Variants in TIAM1 observed in about 807,000 individuals in gnomAD.
TIAM1 encodes the protein TIAM Rac1 associated GEF 1, also known as rho guanine nucleotide exchange factor TIAM1.
A neutral mutation model predicts 163.5 loss-of-function variants in TIAM1; 65 were observed. The ratio of observed to expected loss-of-function variants is 0.40; its 90% CI spans 0.33 to 0.49. The LOEUF (loss-of-function observed/expected upper bound fraction) is 0.49, where lower values mean the gene tolerates loss of function less well. TIAM1 is among the 20% of genes least tolerant of loss of function. The pLI, the probability that TIAM1 is intolerant of heterozygous loss-of-function variation, is 0.77. For missense variants in TIAM1, 1,789 were observed against 2,044.7 expected, an observed-to-expected ratio of 0.87 and a Z score of 2.41; for synonymous variants, 833 against 810.1, an observed-to-expected ratio of 1.03 and a Z score of -0.48.
At chr21:31,460,876 A>G in intron 2 of TIAM1, among the ~76,000 whole-genome samples, 1 of 152,232 alleles carries the variant, frequency 6.6e-6, no homozygotes. Context: ...ATGCAATTAA[A>G]AAAGAAAAGT....
chr21:31,381,568 T>C (rs1569281754), intron 2 of TIAM1, among the ~76,000 whole-genome samples: 1 of 152,120 alleles, frequency 6.6e-6, no homozygotes, highest in Non-Finnish European at 1.5e-5. Context: ...CTCGAGAGGC[T>C]GAGGAACAGG....
intron 10 of TIAM1, among the ~76,000 whole-genome samples, chr21:31,212,061 A>C (rs572502508): frequency 2.0e-5 from 3 of 152,340 alleles, no homozygotes; most frequent in East Asian, 1.9e-4. Context: ...ACATAGGCCC[A>C]AAAACTGAAT....
chr21:31,381,631 G>A (rs1216576655), intron 2 of TIAM1, among the ~76,000 whole-genome samples: 1 of 152,154 alleles, frequency 6.6e-6, no homozygotes, highest in Non-Finnish European at 1.5e-5. Flanking sequence ...TCACGCCACT[G>A]CACTCCAGCC....
intron 2 of TIAM1, among the ~76,000 whole-genome samples, chr21:31,399,918 G>A (rs994607840): frequency 2.0e-5 from 3 of 152,046 alleles, no homozygotes; most frequent in African/African-American, 7.3e-5. Context: ...TTCAGAGAAT[G>A]TTGACACTTT....
chr21:31,456,636 T>C (rs1344524472), intron 2 of TIAM1, among the ~76,000 whole-genome samples: 1 of 152,258 alleles, frequency 6.6e-6, no homozygotes, highest in African/African-American at 2.4e-5. Flanking sequence ...TTGGAAATGT[T>C]TTATGGTAGG....
intron 12 of TIAM1, 140 bp from the exon 13 acceptor site, chr21:31,195,445 C>A: frequency 1.6e-6 from 1 of 621,038 alleles, no homozygotes; most frequent in East Asian, 2.9e-5. Context: ...AAACGAAACT[C>A]ATTAAAAGTA....
intron 2 of TIAM1, among the ~76,000 whole-genome samples, chr21:31,303,382 T>C (rs1157480239): frequency 1.3e-5 from 2 of 152,198 alleles, no homozygotes; most frequent in African/African-American, 4.8e-5. Context: ...TTCACAGATC[T>C]GGCAGATTCA....
chr21:31,513,264 G>A (rs1255043804), intron 1 of TIAM1, among the ~76,000 whole-genome samples: 2 of 152,090 alleles, frequency 1.3e-5, no homozygotes, highest in Non-Finnish European at 2.9e-5. Flanking sequence ...CTATGAAATA[G>A]GTAAACTATA....
In TIAM1 at chr21:31,182,351, G is replaced by A. The variant is rs971147417; in HGVS notation, c.2887+70C>T. ...AGGCACTCACTGAAACACACAAGCC[G>A]CATGATAAACTCCCCGGGTCGTGGC... On this transcript the variant is annotated intron_variant, in intron 15 of 27. Transcript: ENST00000541036. 26 of 1,322,366 alleles carry A rather than the reference G, an allele frequency of 2.0e-5. No homozygotes were observed. In the Admixed American group the frequency reaches 3.6e-4, roughly 19 times the overall value. The allele number at this position is 1,322,366 out of a possible 1,614,324, so 81.9% of individuals were successfully genotyped here.
intron 2 of TIAM1, among the ~76,000 whole-genome samples, chr21:31,337,492 T>G (rs2075877064): frequency 6.7e-6 from 1 of 149,954 alleles, no homozygotes; most frequent in South Asian, 2.1e-4. Context: ...GGGTTAATAA[T>G]TGTTGTTTTT....
intron 1 of TIAM1, among the ~76,000 whole-genome samples, chr21:31,537,338 T>TAGC (rs2123255594): frequency 6.6e-6 from 1 of 151,500 alleles, no homozygotes; most frequent in East Asian, 1.9e-4. Context: ...GAAAAAAATA[T>TAGC]AGCAAGGTGT....
At chr21:31,253,294 C>T (rs981510362) in intron 4 of TIAM1, among the ~76,000 whole-genome samples, 4 of 152,188 alleles carry the variant, frequency 2.6e-5, no homozygotes, top group Non-Finnish European at 4.4e-5. Context: ...TTGGCAGTTT[C>T]ACCAATTTGG....
At chr21:31,197,280 G>C (rs370765859) in intron 12 of TIAM1, among the ~76,000 whole-genome samples, 3 of 152,098 alleles carry the variant, frequency 2.0e-5, no homozygotes, top group Non-Finnish European at 2.9e-5. Context: ...AACAAAAAAG[G>C]CTGGAAAAAG....
In TIAM1 at chr21:31,153,699, TCAA is replaced by T. The variant is rs374205235; in HGVS notation, c.3171+545_3171+547del. ...AATTAAATGTAGCTTTCTTATTAGGTCAACAACACATACATATATATATATATA... is the reference window on the plus strand; with the variant it reads ...AATTAAATGTAGCTTTCTTATTAGGTCAACACATACATATATATATATATA... On this transcript the variant is annotated intron_variant, in intron 17 of 27. Transcript: ENST00000541036. 5.1e-3 allele frequency among the ~76,000 whole-genome samples: 554 copies of T among 109,156 alleles called. 1 individual carries two copies. Among genetic ancestry groups the T allele is most frequent in the African/African-American group, 0.021 (515 of 25,030 alleles). The allele number at this position is 109,156 out of a possible 152,430, so 71.6% of individuals were successfully genotyped here.
In TIAM1 at chr21:31,165,074, T is replaced by C. The variant is rs762877344; in HGVS notation, c.2888-9A>G. On this transcript the variant is annotated splice_polypyrimidine_tract_variant and intron_variant, in intron 15 of 27. Coordinates refer to ENST00000541036, the MANE Select transcript of TIAM1 (RefSeq NM_001353694.2). ...GCTGCAAAGGCTGTGCCCTGTCAGA[T>C]GAAATCAGAAGAAAATGTGGGTCAA... The C allele has an allele frequency of 1.9e-5, 30 of 1,613,514 alleles. No individual in the cohort carries two copies. The East Asian group carries it at 6.0e-4, about 32-fold the overall frequency.
chr21:31,544,179 G>C (rs910000585), intron 1 of TIAM1, among the ~76,000 whole-genome samples: 16 of 151,708 alleles, frequency 1.1e-4, no homozygotes, highest in African/African-American at 3.6e-4. Flanking sequence ...CTGCACTCCA[G>C]CCAGGGGGGC....
At chr21:31,368,962 G>A (rs1404378849) in intron 2 of TIAM1, among the ~76,000 whole-genome samples, 2 of 152,152 alleles carry the variant, frequency 1.3e-5, no homozygotes, top group East Asian at 1.9e-4. Flanking sequence ...ATGATAGGTC[G>A]GGCGTGGTGG....
intron 2 of TIAM1, among the ~76,000 whole-genome samples, chr21:31,367,967 T>C (rs1343159360): frequency 2.0e-5 from 3 of 152,226 alleles, no homozygotes; most frequent in African/African-American, 7.2e-5. Flanking sequence ...TCAGTTTCAA[T>C]GGATCAATGA....
In TIAM1 at chr21:31,153,116, C is replaced by G. The variant is rs779067561; in HGVS notation, c.3190G>C (p.Glu1064Gln). The G allele has an allele frequency of 1.9e-6, 3 of 1,612,040 alleles. No individual in the cohort carries two copies. The highest frequency in any genetic ancestry group is 2.5e-6 in the Non-Finnish European group (3 of 1,179,472). Residue 1064 changes from glutamate to glutamine, a missense_variant, in exon 18 of 28, where the codon GAG (glutamate) becomes CAG (glutamine). This residue lies in a region of TIAM1 where 303 missense variants were observed against 321.3 expected (regional missense o/e 0.94). Coordinates refer to ENST00000541036, the MANE Select transcript of TIAM1 (RefSeq NM_001353694.2). ...TYVKDLNCLM[E>Q]RYLKPLQKET... ...TTTTGAAGAGGCTTTAGGTATCTCT[C>G]CATAAGACAGTTTAAATCCTAAGAA... is the stretch of plus-strand genomic sequence containing the variant.
Sources: allele counts gnomAD v4.1 joint callset (sites outside exome capture counted in the v4.1 genomes callset), GRCh38; gene constraint gnomAD v4.1.1; regional missense constraint gnomAD v4.1.1; transcripts MANE v1.5; gene names NCBI Gene and HGNC (gene_info 2026-07-23, HGNC 2026-07-21).